The following SMARCE1 variants were observed in gnomAD, a reference collection of about 807,000 sequenced individuals.
The protein encoded by SMARCE1 is SWI/SNF-related matrix-associated actin-dependent regulator of chromatin subfamily E member 1.
Under a neutral mutation model 54.9 loss-of-function variants are expected in SMARCE1, and 13 were observed. The ratio of observed to expected loss-of-function variants is 0.24; its 90% CI spans 0.15 to 0.38. The LOEUF (loss-of-function observed/expected upper bound fraction) is 0.38, where lower values mean the gene tolerates loss of function less well. Among genes scored for constraint, SMARCE1 ranks in the 10% least tolerant of loss-of-function variants. SMARCE1 has a pLI of 1.00. For missense variants in SMARCE1, 295 were observed against 523.8 expected (o/e 0.56, Z 4.26); for synonymous variants, 151 against 175.3 (o/e 0.86, Z 1.10).
Position 40,636,404 on chromosome 17 carries a change from T to A in SMARCE1, c.360A>T (p.Glu120Asp). The A allele has an allele frequency of 6.2e-7, 1 of 1,611,564 alleles. No individual in the cohort carries two copies. Reference protein sequence around the residue: ...EEKQEYLNEYEAEKIEYNESM... With the variant: ...EEKQEYLNEYDAEKIEYNESM... ...TGAGCCCCTACCCTACCTTTTCTGC[T>A]TCGTATTCGTTTAAATATTCTTGTT... The change falls in exon 6 of 11, where the codon GAA becomes GAT. Residue 120 changes from glutamate (E) to aspartate (D), a missense_variant. Transcript: ENST00000348513.
intron 5 of SMARCE1, 42 bp from the exon 6 acceptor site, chr17:40,636,568 A>G (rs1337539624): frequency 6.6e-7 from 1 of 1,518,914 alleles, no homozygotes; most frequent in East Asian, 2.3e-5. Flanking sequence ...TGATGTCTAA[A>G]CGTATAGACC....
chr17:40,637,435 A>T, intron 5 of SMARCE1, 57 bp downstream of exon 5: 1 of 1,327,020 alleles, frequency 7.5e-7, no homozygotes, highest in South Asian at 1.2e-5. Flanking sequence ...GTTGGATGTT[A>T]AGCAAAGAAG....
intron 8 of SMARCE1, 126 bp downstream of exon 8, chr17:40,632,069 C>T: frequency 1.3e-6 from 1 of 760,950 alleles, no homozygotes; most frequent in Non-Finnish European, 2.1e-6. Context: ...TAAACCTCTT[C>T]TCCAAATCAG....
At position 40,626,787 on chromosome 17, in the gene SMARCE1, T is replaced by C. The variant is rs1433077744; in HGVS notation, c.*1998A>G. ...GCTCTAGAGGCTGAGGCAGAGAGAATTGCTTGAACCTGGGAGGTGGAGGTT... is the reference window on the plus strand; with the variant it reads ...GCTCTAGAGGCTGAGGCAGAGAGAACTGCTTGAACCTGGGAGGTGGAGGTT... On this transcript the variant is annotated 3_prime_UTR_variant, in exon 11 of 11. Transcript: ENST00000348513. 3.4e-5 allele frequency: 5 copies of C among 149,090 alleles called. No individual in the cohort carries two copies. Among genetic ancestry groups the C allele is most frequent in the East Asian group, 4.0e-4 (2 of 4,988 alleles). 9.2% of individuals were successfully genotyped at this position (149,090 alleles called of 1,614,324 possible).
At chr17:40,631,500 T>A in intron 9 of SMARCE1, 92 bp downstream of exon 9, 1 of 688,746 alleles carries the variant, frequency 1.5e-6, no homozygotes, top group Non-Finnish European at 2.5e-6. Context: ...GTGAACAACA[T>A]TCAATAAAAA....
chr17:40,630,787 G>C lies in SMARCE1; in HGVS notation c.954C>G (p.Ile318Met), dbSNP rs376628666. The change falls in exon 10 of 11, where the codon ATC (isoleucine) becomes ATG (methionine). Residue 318 changes from isoleucine (I) to methionine (M), a missense_variant. Ile to Met is a conservative substitution (Grantham distance 10). This residue lies in a region of SMARCE1 where 147 missense variants were observed against 161.4 expected (regional missense o/e 0.91). Transcript: ENST00000348513. ...TAGCTGCTTGTTCTTCCTCAGGAAC[G>C]ATGCTGCTCTGACTGCGCTCAGCTT... ...AEQAERSQSS[I>M]VPEEEQAANK... is the part of the protein sequence containing the mutation. 6.2e-7 allele frequency: 1 copy of C among 1,614,056 alleles called. No individual in the cohort carries two copies. Among genetic ancestry groups the C allele is most frequent in the East Asian group, 2.2e-5 (1 of 44,884 alleles).
rs1597749777 is a variant in SMARCE1, at chr17:40,642,516, C to T, written c.95G>A (p.Ser32Asn). The change falls in exon 4 of 11, where the codon AGT (serine) becomes AAT (asparagine). Residue 32 changes from serine (S) to asparagine (N), a missense_variant. This residue lies in a region of SMARCE1 where 30 missense variants were observed against 91.3 expected (regional missense o/e 0.33). Coordinates refer to ENST00000348513, the MANE Select transcript of SMARCE1 (RefSeq NM_003079.5). This position sits in a 1 kb window ranked among gnomAD's most constrained non-coding sequence, Gnocchi z 4.6. ...TPGFVGYNPY[S>N]HLAYNNYRLG... ...CCTGTAGTTGTTGTAGGCGAGATGA[C>T]TGTATGGATTGTATCCCACAAACCC... 8 of 1,612,426 alleles carry T rather than the reference C, an allele frequency of 5.0e-6. No individual in the cohort carries two copies. Among genetic ancestry groups the T allele is most frequent in the Non-Finnish European group, 6.8e-6 (8 of 1,179,658 alleles).
chr17:40,645,260 A>C (rs767267562), intron 3 of SMARCE1: 43 of 390,320 alleles, frequency 1.1e-4, no homozygotes, highest in Middle Eastern at 6.4e-4. Context: ...GTAACAACTT[A>C]AAGACTCTTA....
intron 5 of SMARCE1, chr17:40,636,837 G>A (rs1394445486): frequency 3.1e-5 from 6 of 196,478 alleles, no homozygotes; most frequent in Admixed American, 5.4e-5. Flanking sequence ...CATAGTCTAC[G>A]TCTCTAAAAG....
rs1277776727 is a variant in SMARCE1 at position 40,631,569 on chromosome 17, T to C, written c.816+23A>G. 10 of 1,156,212 alleles carry C rather than the reference T, an allele frequency of 8.6e-6. No homozygotes were observed. In the African/African-American group the frequency reaches 1.2e-4, roughly 14 times the overall value. 71.6% of individuals were successfully genotyped at this position (1,156,212 alleles called of 1,614,324 possible). ...AGTAACAGGTATAGTGATAAAAGTA[T>C]AGTTAACATATTAAACAGATACCCT... On this transcript the variant is annotated intron_variant, in intron 9 of 10. Transcript: ENST00000348513.
intron 4 of SMARCE1, among the ~76,000 whole-genome samples, chr17:40,638,292 G>A (rs755062866): frequency 3.9e-5 from 6 of 152,014 alleles, no homozygotes; most frequent in Non-Finnish European, 7.4e-5. Context: ...GCCTGATTAC[G>A]TTATTTTTGA....
chr17:40,631,116 C>T (rs2037090570), intron 9 of SMARCE1, 192 bp from the exon 10 acceptor site: 1 of 561,764 alleles, frequency 1.8e-6, no homozygotes, highest in Non-Finnish European at 3.1e-6. Context: ...CAAGAAAAAA[C>T]AGCAGCTCTA....
rs1567847064 is a variant in SMARCE1 at position 40,636,004 on chromosome 17, T to C, written c.468A>G (p.Glu156=). The change falls in exon 7 of 11, where the codon GAA becomes GAG. Residue 156 remains glutamate, a synonymous_variant. Transcript: ENST00000348513. ...CCATGCGAGATTGTCTCTGTCGACTTTCTTCCTCTAAAGCAGCTTCTGCAC... is the reference window on the plus strand; with the variant it reads ...CCATGCGAGATTGTCTCTGTCGACTCTCTTCCTCTAAAGCAGCTTCTGCAC... ...KSRAEAALEE[E]SRQRQSRMEK... is the part of the protein sequence containing the mutation. The C allele has an allele frequency of 6.2e-7, 1 of 1,613,650 alleles. No homozygotes were observed. The highest frequency in any genetic ancestry group is 8.5e-7 in the Non-Finnish European group (1 of 1,179,826).
chr17:40,646,446 C>T (rs1355923819), intron 1 of SMARCE1, among the ~76,000 whole-genome samples: 1 of 152,178 alleles, frequency 6.6e-6, no homozygotes, highest in East Asian at 1.9e-4. Context: ...CAAAATTTTT[C>T]TCCTCAAGGG....
At chr17:40,646,524 C>T (rs949799009) in intron 1 of SMARCE1, among the ~76,000 whole-genome samples, 2 of 152,210 alleles carry the variant, frequency 1.3e-5, no homozygotes, top group African/African-American at 4.8e-5. Flanking sequence ...ACAGTTTACA[C>T]AGATCTATAT....
In SMARCE1 at chr17:40,628,264, G is replaced by C. The variant is rs2037054769; in HGVS notation, c.*521C>G. 6.4e-6 allele frequency: 1 copy of C among 156,246 alleles called. No homozygotes were observed. The highest frequency in any genetic ancestry group is 6.2e-5 in the Admixed American group (1 of 16,092). 9.7% of individuals were successfully genotyped at this position (156,246 alleles called of 1,614,324 possible). ...TGTAGTTAGTTACACACTACACTCA[G>C]CTTAACACAACTCTTGGTATCTGAC... On this transcript the variant is annotated 3_prime_UTR_variant, in exon 11 of 11. Coordinates refer to ENST00000348513, the MANE Select transcript of SMARCE1 (RefSeq NM_003079.5).
At chr17:40,636,679 G>C in intron 5 of SMARCE1, 153 bp from the exon 6 acceptor site, 1 of 582,076 alleles carries the variant, frequency 1.7e-6, no homozygotes, top group Non-Finnish European at 3.0e-6. Flanking sequence ...AAATTATCAA[G>C]AACTGGCCAA....
chr17:40,634,356 C>G (rs1405597734), intron 7 of SMARCE1: 2 of 152,460 alleles, frequency 1.3e-5, no homozygotes, highest in Admixed American at 6.5e-5. Flanking sequence ...TGGTCTCAAA[C>G]TCTTGGCCAC....
chr17:40,634,070 A>G (rs2037122768), intron 7 of SMARCE1: 1 of 152,186 alleles, frequency 6.6e-6, no homozygotes, highest in African/African-American at 2.4e-5. Flanking sequence ...CCTATGATGA[A>G]GAGGCTCTCA....
Sources: gnomAD v4.1 joint callset for allele counts (sites outside exome capture counted in the v4.1 genomes callset) on GRCh38, gnomAD v4.1.1 for gene constraint, gnomAD v4.1.1 regional missense constraint, Gnocchi (gnomAD v3.1) non-coding constraint, MANE v1.5 for transcripts, NCBI Gene and HGNC (gene_info 2026-07-23, HGNC 2026-07-21) for gene names.